Variants in COMMD1 observed in about 807,000 individuals in gnomAD.
The protein encoded by COMMD1 is copper metabolism domain containing 1.
In COMMD1, 10 loss-of-function variants were observed where a neutral mutation model predicts 17.2. The observed-to-expected ratio is 0.58, with a 90% CI of 0.36 to 0.99. The LOEUF is 0.99. Ranked by LOEUF, COMMD1 falls within the 50% of genes least tolerant of loss-of-function variation. The probability of loss-of-function intolerance (pLI) is 0.01; values close to 1 mark genes in which losing one functional copy is unlikely to be tolerated. For missense variants in COMMD1, 270 were observed against 231.8 expected (o/e 1.17, Z -1.07); for synonymous variants, 97 against 91.6 (o/e 1.06, Z -0.34).
intron 1 of COMMD1, among the ~76,000 whole-genome samples, chr2:61,910,422 ATT>A (rs554536724): frequency 6.6e-6 from 1 of 151,732 alleles, no homozygotes; most frequent in Non-Finnish European, 1.5e-5. Flanking sequence ...TAATTTTTGT[ATT>A]TTAGTAGAGA....
upstream of COMMD1, among the ~76,000 whole-genome samples, chr2:61,904,172 G>A (rs1008922252): frequency 2.0e-5 from 3 of 151,912 alleles, no homozygotes; most frequent in Admixed American, 6.6e-5. Context: ...CACTAGGCCC[G>A]GCTAATTTTT....
intron 2 of COMMD1, among the ~76,000 whole-genome samples, chr2:62,050,203 A>C (rs190949004): frequency 9.8e-5 from 15 of 152,346 alleles, no homozygotes; most frequent in African/African-American, 3.6e-4. Flanking sequence ...GCATTAGATC[A>C]TTGCAAAAAT....
At chr2:61,956,496 G>A (rs1393150521) in intron 1 of COMMD1, among the ~76,000 whole-genome samples, 3 of 151,010 alleles carry the variant, frequency 2.0e-5, no homozygotes, top group African/African-American at 4.9e-5. Flanking sequence ...TGCAACCTCT[G>A]CCTCCCAGGT....
At chr2:62,025,906 C>G (rs893213429) in intron 2 of COMMD1, among the ~76,000 whole-genome samples, 4 of 152,096 alleles carry the variant, frequency 2.6e-5, no homozygotes, top group African/African-American at 9.7e-5. Flanking sequence ...GTTGGCCAGC[C>G]TGGTCTCAAA....
intron 1 of COMMD1, among the ~76,000 whole-genome samples, chr2:61,942,928 CATATAT>C (rs371403118): frequency 2.9e-4 from 44 of 150,292 alleles, no homozygotes; most frequent in Non-Finnish European, 3.0e-4. Flanking sequence ...TACCTAAACA[CATATAT>C]ATATATATAC....
intron 2 of COMMD1, among the ~76,000 whole-genome samples, chr2:62,120,337 T>G (rs1672710392): frequency 6.6e-6 from 1 of 151,958 alleles, no homozygotes; most frequent in Non-Finnish European, 1.5e-5. Context: ...CCTCTCTGTT[T>G]CTTTCATGTA....
At chr2:62,074,235 A>G (rs974869945) in intron 2 of COMMD1, among the ~76,000 whole-genome samples, 4 of 152,190 alleles carry the variant, frequency 2.6e-5, no homozygotes, top group African/African-American at 9.7e-5. Flanking sequence ...TTCATTACAT[A>G]GGCATGATTG....
intron 2 of COMMD1, among the ~76,000 whole-genome samples, chr2:62,130,142 G>A (rs1308531692): frequency 1.4e-5 from 2 of 143,836 alleles, no homozygotes; most frequent in Non-Finnish European, 3.0e-5. Context: ...GCCAGTGAGC[G>A]AGACTCTGTC....
At chr2:62,083,628 G>A (rs565902558) in intron 2 of COMMD1, among the ~76,000 whole-genome samples, 1 of 152,118 alleles carries the variant, frequency 6.6e-6, no homozygotes, top group South Asian at 2.1e-4. Flanking sequence ...AACTTTTTTT[G>A]TTCCTCTGTT....
intron 2 of COMMD1, among the ~76,000 whole-genome samples, chr2:62,026,472 C>T (rs1669760718): frequency 6.6e-6 from 1 of 152,158 alleles, no homozygotes; most frequent in Non-Finnish European, 1.5e-5. Context: ...GGATCTGCCC[C>T]CTCGACCCAA....
chr2:62,052,646 C>T (rs748349352), intron 2 of COMMD1, among the ~76,000 whole-genome samples: 1 of 152,172 alleles, frequency 6.6e-6, no homozygotes, highest in Non-Finnish European at 1.5e-5. Context: ...TATACCACTA[C>T]AGAGTTTATT....
intron 1 of COMMD1, among the ~76,000 whole-genome samples, chr2:61,970,563 A>G (rs1012674450): frequency 6.6e-5 from 10 of 152,202 alleles, no homozygotes; most frequent in African/African-American, 2.2e-4. Context: ...AATGATAAAA[A>G]AAAGTTTGGT....
chr2:61,903,477 A>G (rs1193387754), upstream of COMMD1, among the ~76,000 whole-genome samples: 2 of 151,900 alleles, frequency 1.3e-5, no homozygotes, highest in Non-Finnish European at 2.9e-5. Flanking sequence ...TTTACTGGAT[A>G]AACATTAATT....
intron 1 of COMMD1, among the ~76,000 whole-genome samples, chr2:61,957,486 C>T (rs893641396): frequency 1.3e-5 from 2 of 151,894 alleles, no homozygotes; most frequent in African/African-American, 4.8e-5. Flanking sequence ...TGTTTTTTGC[C>T]AAAGATGCTT....
chr2:62,020,909 G>A lies in COMMD1; in HGVS notation c.462+19927G>A, dbSNP rs565362375. On this transcript the variant is annotated intron_variant, in intron 2 of 2. Transcript: ENST00000311832. ...TCCCAGCTACTCAGGAGGCTGAGGCGGGAGAATTGCTTGAACCTGGGAGGC... is the reference window on the plus strand; with the variant it reads ...TCCCAGCTACTCAGGAGGCTGAGGCAGGAGAATTGCTTGAACCTGGGAGGC... 2.2e-3 allele frequency among the ~76,000 whole-genome samples: 329 copies of A among 152,036 alleles called. 2 individuals are homozygous for A. Among genetic ancestry groups the A allele is most frequent in the African/African-American group, 5.1e-3 (211 of 41,480 alleles).
chr2:61,940,924 G>C (rs186569928), intron 1 of COMMD1, among the ~76,000 whole-genome samples: 3 of 151,930 alleles, frequency 2.0e-5, no homozygotes, highest in Non-Finnish European at 4.4e-5. Flanking sequence ...TCCTGACCTC[G>C]TGATCCGCCC....
At chr2:62,065,904 G>A (rs1392948099) in intron 2 of COMMD1, among the ~76,000 whole-genome samples, 2 of 152,170 alleles carry the variant, frequency 1.3e-5, no homozygotes, top group Non-Finnish European at 2.9e-5. Context: ...AATCTTGAAA[G>A]CTATGAAAGA....
intron 1 of COMMD1, among the ~76,000 whole-genome samples, chr2:61,908,220 T>C (rs1238773002): frequency 3.3e-5 from 5 of 151,942 alleles, no homozygotes; most frequent in African/African-American, 1.2e-4. Flanking sequence ...CCAATCTTTA[T>C]TGAACTCTTT....
intron 1 of COMMD1, among the ~76,000 whole-genome samples, chr2:61,889,546 C>G (rs1669370403): frequency 6.6e-6 from 1 of 152,070 alleles, no homozygotes; most frequent in African/African-American, 2.4e-5. Flanking sequence ...TGGATCTATC[C>G]GCGAGGTGGG....
Sources: gnomAD v4.1 joint callset for allele counts (sites outside exome capture counted in the v4.1 genomes callset) on GRCh38, gnomAD v4.1.1 for gene constraint, MANE v1.5 for transcripts, NCBI Gene and HGNC (gene_info 2026-07-23, HGNC 2026-07-21) for gene names.